The following OLFML2A variants were observed in gnomAD, a reference collection of about 807,000 sequenced individuals.
OLFML2A encodes olfactomedin-like protein 2A.
In OLFML2A, 47 loss-of-function variants were observed where a neutral mutation model predicts 60.9. The ratio of observed to expected loss-of-function variants is 0.77; its 90% CI spans 0.61 to 0.98. The LOEUF (loss-of-function observed/expected upper bound fraction) is 0.98, where lower values mean the gene tolerates loss of function less well. OLFML2A is among the 50% of genes least tolerant of loss of function. The pLI is 0.00. For synonymous variants in OLFML2A, 372 were observed against 375.0 expected (o/e 0.99, Z 0.09); for missense variants, 922 against 879.8 (o/e 1.05, Z -0.61).
intron 5 of OLFML2A, among the ~76,000 whole-genome samples, chr9:124,802,239 G>A (rs896884998): frequency 6.6e-6 from 1 of 152,148 alleles, no homozygotes; most frequent in East Asian, 1.9e-4. Context: ...AGAGACACAC[G>A]TTTCAAGATA....
At chr9:124,789,956 C>T (rs994651919) in intron 2 of OLFML2A, among the ~76,000 whole-genome samples, 7 of 152,312 alleles carry the variant, frequency 4.6e-5, no homozygotes, top group South Asian at 2.1e-4. Context: ...TTTCTGCTCA[C>T]GTCAACTTCT....
At chr9:124,780,510 G>C (rs1466636105) in intron 1 of OLFML2A, among the ~76,000 whole-genome samples, 1 of 152,232 alleles carries the variant, frequency 6.6e-6, no homozygotes, top group Non-Finnish European at 1.5e-5. Flanking sequence ...GGCCAGGCTA[G>C]TCCCGGGGGT....
intron 3 of OLFML2A, among the ~76,000 whole-genome samples, chr9:124,797,759 A>AGGCCCCCC (rs1841694805): frequency 6.6e-6 from 1 of 152,210 alleles, no homozygotes; most frequent in Admixed American, 6.5e-5. Flanking sequence ...CCAGGTTTCC[A>AGGCCCCCC]AGTCCTCTCC....
Position 124,804,224 on chromosome 9 carries a change from G to A in OLFML2A, c.1050G>A (p.Leu350=). ...AEPRSSERVD[L]ASGTPTSIPA... ...CCAGGTCCTCCGAGCGAGTGGACCTGGCTTCTGGCACCCCCACTTCAATCC... is the reference window on the plus strand; with the variant it reads ...CCAGGTCCTCCGAGCGAGTGGACCTAGCTTCTGGCACCCCCACTTCAATCC... The change falls in exon 6 of 8, where the codon CTG becomes CTA. Residue 350 remains leucine (L), a synonymous_variant. Transcript: ENST00000373580. 3.1e-6 allele frequency: 5 copies of A among 1,613,860 alleles called. No individual in the cohort carries two copies. Among genetic ancestry groups the A allele is most frequent in the Non-Finnish European group, 3.4e-6 (4 of 1,179,954 alleles).
chr9:124,784,947 T>TTTTTTTG (rs1841431325), intron 1 of OLFML2A, among the ~76,000 whole-genome samples: 2 of 96,878 alleles, frequency 2.1e-5, no homozygotes, highest in African/African-American at 4.9e-5. Context: ...TTACTTGTTT[T>TTTTTTTG]TTTTTTTTTT....
chr9:124,804,390 C>A, intron 6 of OLFML2A, 48 bp downstream of exon 6: 1 of 1,477,826 alleles, frequency 6.8e-7, no homozygotes, highest in Non-Finnish European at 9.0e-7. Flanking sequence ...GTGCCCAAAT[C>A]TAGCCCACAG....
intron 4 of OLFML2A, chr9:124,800,732 C>G: frequency 2.3e-6 from 2 of 856,746 alleles, no homozygotes; most frequent in South Asian, 3.6e-5. Flanking sequence ...CAGAAGGCAC[C>G]CAGCTACTGT....
chr9:124,793,844 G>A (rs1269368548), intron 2 of OLFML2A, among the ~76,000 whole-genome samples: 1 of 152,184 alleles, frequency 6.6e-6, no homozygotes, highest in East Asian at 1.9e-4. Context: ...TTCAAGACCA[G>A]CTGGAATAAC....
intron 2 of OLFML2A, 21 bp from the exon 3 acceptor site, chr9:124,795,003 C>G: frequency 6.7e-7 from 1 of 1,482,242 alleles, no homozygotes; most frequent in Non-Finnish European, 9.3e-7. Flanking sequence ...CTTTGCCTAA[C>G]CATCCCCCTT....
chr9:124,787,699 C>T (rs1264082750), intron 2 of OLFML2A, among the ~76,000 whole-genome samples: 1 of 151,834 alleles, frequency 6.6e-6, no homozygotes, highest in African/African-American at 2.4e-5. Context: ...GCTGGGATTA[C>T]AGACGTGCAC....
At chr9:124,791,468 G>T (rs773464380) in intron 2 of OLFML2A, among the ~76,000 whole-genome samples, 18 of 152,208 alleles carry the variant, frequency 1.2e-4, no homozygotes, top group Non-Finnish European at 2.1e-4. Context: ...CAGGCGCAGT[G>T]CATCATGAGT....
chr9:124,810,622 A>C lies in OLFML2A; in HGVS notation c.*210A>C. The C allele has an allele frequency of 1.4e-5, 8 of 591,536 alleles. No homozygotes were observed. The South Asian group carries it at 1.7e-4, about 12-fold the overall frequency. The allele number at this position is 591,536 out of a possible 1,614,324, so 36.6% of individuals were successfully genotyped here. Reference sequence around the variant, plus strand: ...GAGCACCGTGCCAAGCACTTCCCACACACTTACCCGTTTGATTCTCCTAGC... The same window carrying C: ...GAGCACCGTGCCAAGCACTTCCCACCCACTTACCCGTTTGATTCTCCTAGC... On this transcript the variant is annotated 3_prime_UTR_variant, in exon 8 of 8. Transcript: ENST00000373580.
Position 124,777,422 on chromosome 9 carries a change from G to A in OLFML2A, c.90+62G>A. ...TAGCGGGGCGCGAGGGGGCGCTGTG[G>A]CTGGGGTGCGGCCCGGGAGGGAGCC... On this transcript the variant is annotated intron_variant, in intron 1 of 7. Coordinates refer to ENST00000373580, the MANE Select transcript of OLFML2A (RefSeq NM_182487.4). The surrounding 1 kb of genome is among the most constrained non-coding windows in gnomAD (Gnocchi z 6.2). The A allele has an allele frequency of 8.2e-7, 1 of 1,220,540 alleles. No homozygotes were observed. Among genetic ancestry groups the A allele is most frequent in the Non-Finnish European group, 1.0e-6 (1 of 979,508 alleles). 75.6% of individuals were successfully genotyped at this position (1,220,540 alleles called of 1,614,324 possible). A position where few individuals can be genotyped will look rare whatever the true frequency, so the allele number is the denominator to read the frequency against.
At chr9:124,799,878 G>C (rs1010925004) in intron 4 of OLFML2A, among the ~76,000 whole-genome samples, 27 of 152,226 alleles carry the variant, frequency 1.8e-4, no homozygotes, top group Non-Finnish European at 2.9e-4. Flanking sequence ...TGGCTGGGTT[G>C]AGCCTGCTCA....
intron 1 of OLFML2A, among the ~76,000 whole-genome samples, chr9:124,782,817 G>A (rs1040029700): frequency 1.3e-5 from 2 of 152,184 alleles, no homozygotes; most frequent in Non-Finnish European, 2.9e-5. Context: ...CTGCTGGTGC[G>A]GGTGGGTGTT....
chr9:124,803,925 G>A (rs917196115), intron 5 of OLFML2A, among the ~76,000 whole-genome samples, 169 bp from the exon 6 acceptor site: 1 of 152,120 alleles, frequency 6.6e-6, no homozygotes, highest in Non-Finnish European at 1.5e-5. Flanking sequence ...AGTCCTCCCT[G>A]CCTCCCATTT....
At position 124,804,030 on chromosome 9, in the gene OLFML2A, T is replaced by G. The variant is rs565502737; in HGVS notation, c.920-64T>G. 1,436 of 1,580,116 alleles carry G rather than the reference T, an allele frequency of 9.1e-4. 25 individuals are homozygous for G. The South Asian group carries it at 0.016, about 18-fold the overall frequency. ...CCCTGAGATGGGGGCCCAGTGGACC[T>G]TAGGGAGACCCACACGGCAGCAGGT... On this transcript the variant is annotated intron_variant, in intron 5 of 7. Coordinates refer to ENST00000373580, the MANE Select transcript of OLFML2A (RefSeq NM_182487.4).
chr9:124,780,535 G>A (rs566949065), intron 1 of OLFML2A, among the ~76,000 whole-genome samples: 3 of 152,318 alleles, frequency 2.0e-5, no homozygotes, highest in Admixed American at 6.5e-5. Context: ...GTGTTGCTTC[G>A]CCTCCGCTCC....
In OLFML2A at chr9:124,803,183, A is replaced by G. The variant is rs563062590; in HGVS notation, c.920-911A>G. On this transcript the variant is annotated intron_variant, in intron 5 of 7. Coordinates refer to ENST00000373580, the MANE Select transcript of OLFML2A (RefSeq NM_182487.4). Reference sequence around the variant, plus strand: ...TTTGGCCTCCCAAAGTGCTGGGATTACAGGCATGAGCCACCGCGCCCGGCC... The same window carrying G: ...TTTGGCCTCCCAAAGTGCTGGGATTGCAGGCATGAGCCACCGCGCCCGGCC... Among the ~76,000 whole-genome samples, 91 of 152,318 alleles carry G rather than the reference A, an allele frequency of 6.0e-4. 1 individual carries two copies. The South Asian group carries it at 0.018, about 30-fold the overall frequency.
Sources: gnomAD v4.1 joint callset for allele counts (sites outside exome capture counted in the v4.1 genomes callset) on GRCh38, gnomAD v4.1.1 for gene constraint, Gnocchi (gnomAD v3.1) non-coding constraint, MANE v1.5 for transcripts, NCBI Gene and HGNC (gene_info 2026-07-23, HGNC 2026-07-21) for gene names.